Variants in FOXN3 observed in about 807,000 individuals in gnomAD.
The protein encoded by FOXN3 is forkhead box N3, also known as forkhead box protein N3.
FOXN3 carries 7 observed loss-of-function variants against 38.4 expected under a neutral mutation model. The ratio of observed to expected loss-of-function variants is 0.18; its 90% CI spans 0.10 to 0.34. The LOEUF is 0.34. FOXN3 is among the 10% of genes least tolerant of loss of function. The pLI, the probability that FOXN3 is intolerant of heterozygous loss-of-function variation, is 1.00. For missense variants in FOXN3, 456 were observed against 613.4 expected, an observed-to-expected ratio of 0.74 and a Z score of 2.71; for synonymous variants, 230 against 242.2, an observed-to-expected ratio of 0.95 and a Z score of 0.47.
intron 1 of FOXN3, among the ~76,000 whole-genome samples, chr14:89,555,273 G>C (rs545221992): frequency 9.2e-5 from 14 of 152,178 alleles, no homozygotes; most frequent in African/African-American, 3.1e-4. Flanking sequence ...GAACTGCTTG[G>C]CCAAAGATAT....
chr14:89,472,134 A>G (rs113138503), intron 1 of FOXN3, among the ~76,000 whole-genome samples: 4,545 of 152,216 alleles, frequency 0.03, 105 homozygotes, highest in Middle Eastern at 0.058. Context: ...GGGTGCCTGT[A>G]ATCCCAGCTA....
intron 2 of FOXN3, among the ~76,000 whole-genome samples, chr14:89,359,381 G>T (rs1207819818): frequency 1.3e-5 from 2 of 152,022 alleles, no homozygotes; most frequent in East Asian, 3.8e-4. Context: ...TTGACACTGA[G>T]CTCCAAACCA....
Position 89,164,819 on chromosome 14 carries a change from C to G in FOXN3, c.852-1850G>C, listed in dbSNP as rs1270803555. Reference sequence around the variant, plus strand: ...CTACCCTGGCTTTTCTCCTGTCACCCTCATGGGCCTTGAGGCTCAGGGAGA... The same window carrying G: ...CTACCCTGGCTTTTCTCCTGTCACCGTCATGGGCCTTGAGGCTCAGGGAGA... On this transcript the variant is annotated intron_variant, in intron 5 of 5. Coordinates refer to ENST00000557258, the MANE Select transcript of FOXN3 (RefSeq NM_005197.4). The surrounding 1 kb of genome is among the most constrained non-coding windows in gnomAD (Gnocchi z 4.3). Among the ~76,000 whole-genome samples the G allele has an allele frequency of 6.6e-6, 1 of 152,128 alleles. No individual in the cohort carries two copies. Among genetic ancestry groups the G allele is most frequent in the Non-Finnish European group, 1.5e-5 (1 of 68,028 alleles).
chr14:89,540,048 T>A (rs1206349141), intron 1 of FOXN3, among the ~76,000 whole-genome samples: 1 of 152,196 alleles, frequency 6.6e-6, no homozygotes, highest in Non-Finnish European at 1.5e-5. Context: ...GATATCACGA[T>A]GCAACAGAAC....
intron 1 of FOXN3, among the ~76,000 whole-genome samples, chr14:89,467,203 C>T (rs981477674): frequency 5.3e-5 from 8 of 152,250 alleles, no homozygotes; most frequent in African/African-American, 1.9e-4. Context: ...TGAGGGCTGG[C>T]CCGGCAGGAC....
At position 89,478,344 on chromosome 14, in the gene FOXN3, C is replaced by T. The variant is rs1330246738; in HGVS notation, c.-14-65854G>A. 3.9e-5 allele frequency among the ~76,000 whole-genome samples: 6 copies of T among 152,252 alleles called. No individual in the cohort carries two copies. In the East Asian group the frequency reaches 1.2e-3, roughly 29 times the overall value. Reference sequence around the variant, plus strand: ...TCTCTTTTCTTATAAATTACCCAGTCTCAGGTGTTTCTTTATAGCAGTGCA... The same window carrying T: ...TCTCTTTTCTTATAAATTACCCAGTTTCAGGTGTTTCTTTATAGCAGTGCA... On this transcript the variant is annotated intron_variant, in intron 1 of 6. Transcript: ENST00000345097.
chr14:89,467,419 C>A (rs547045777), intron 1 of FOXN3, among the ~76,000 whole-genome samples: 4 of 152,102 alleles, frequency 2.6e-5, no homozygotes, highest in Admixed American at 2.6e-4. Context: ...AGCTGTTTCA[C>A]TTTAAAATAC....
rs113658397 is a variant in FOXN3 at position 89,204,565 on chromosome 14, C to T, written c.746-23759G>A. Among the ~76,000 whole-genome samples, 347 of 152,038 alleles carry T rather than the reference C, an allele frequency of 2.3e-3. 1 individual carries two copies. Among genetic ancestry groups the T allele is most frequent in the African/African-American group, 8.0e-3 (332 of 41,330 alleles). On this transcript the variant is annotated intron_variant, in intron 4 of 5. Transcript: ENST00000557258. ...CTGAGATGTGTTGATTCAGAAATAA[C>T]CCTCACATATTATCAGTTGAAAAAT...
chr14:89,200,475 G>A (rs1231179554), intron 4 of FOXN3, among the ~76,000 whole-genome samples: 1 of 152,208 alleles, frequency 6.6e-6, no homozygotes, highest in African/African-American at 2.4e-5. Flanking sequence ...CTAAGGTGGT[G>A]TTAGGATGGC....
chr14:89,436,537 C>T (rs1461152706), intron 1 of FOXN3, among the ~76,000 whole-genome samples: 5 of 152,170 alleles, frequency 3.3e-5, no homozygotes, highest in Non-Finnish European at 5.9e-5. Context: ...GGGACTGACC[C>T]CATCGTCTGC....
intron 3 of FOXN3, among the ~76,000 whole-genome samples, chr14:89,298,001 CAAG>C (rs1887098641): frequency 6.6e-6 from 1 of 151,768 alleles, no homozygotes; most frequent in African/African-American, 2.4e-5. Flanking sequence ...AACAAAACAA[CAAG>C]AAGAAAAGAG....
intron 1 of FOXN3, among the ~76,000 whole-genome samples, chr14:89,498,177 C>G (rs992511167): frequency 2.0e-5 from 3 of 147,994 alleles, no homozygotes; most frequent in Non-Finnish European, 4.4e-5. Context: ...GTATATTCTC[C>G]TATTCTCTCT....
At chr14:89,239,346 T>A (rs2139864335) in intron 4 of FOXN3, among the ~76,000 whole-genome samples, 1 of 152,330 alleles carries the variant, frequency 6.6e-6, no homozygotes, top group South Asian at 2.1e-4. Context: ...GAGAGAAAGA[T>A]CTATTTTCTG....
At chr14:89,242,107 T>C (rs1885157274) in intron 4 of FOXN3, among the ~76,000 whole-genome samples, 1 of 152,168 alleles carries the variant, frequency 6.6e-6, no homozygotes, top group African/African-American at 2.4e-5. Flanking sequence ...TTGGCTTGAA[T>C]GCCACAAGGT....
chr14:89,328,092 C>G (rs1888128934), intron 3 of FOXN3, among the ~76,000 whole-genome samples: 1 of 152,222 alleles, frequency 6.6e-6, no homozygotes, highest in South Asian at 2.1e-4. Context: ...CAGCCAGGAT[C>G]GTTAAACTAC....
intron 1 of FOXN3, among the ~76,000 whole-genome samples, chr14:89,565,305 T>C (rs1782342075): frequency 6.6e-6 from 1 of 152,104 alleles, no homozygotes; most frequent in South Asian, 2.1e-4. Flanking sequence ...AACACCTTGA[T>C]TTTGACTTCT....
At chr14:89,236,759 T>G (rs1005819811) in intron 4 of FOXN3, among the ~76,000 whole-genome samples, 1 of 152,244 alleles carries the variant, frequency 6.6e-6, no homozygotes, top group Admixed American at 6.5e-5. Flanking sequence ...TGGGGACACT[T>G]AAAGCCTCTA....
Position 89,446,196 on chromosome 14 carries a change from CT to C in FOXN3, c.-14-33707del, listed in dbSNP as rs1555354304. 1.9e-4 allele frequency among the ~76,000 whole-genome samples: 5 copies of C among 26,164 alleles called. No individual in the cohort carries two copies. In the South Asian group the frequency reaches 4.6e-3, roughly 24 times the overall value. 17.2% of individuals were successfully genotyped at this position (26,164 alleles called of 152,430 possible). ...AAAAGTCTTTTTTTTTTTTTTTTTTCTTTTTTTTTTGAGACAGAGTCTCACT... is the reference window on the plus strand; with the variant it reads ...AAAAGTCTTTTTTTTTTTTTTTTTTCTTTTTTTTTGAGACAGAGTCTCACT... On this transcript the variant is annotated intron_variant, in intron 1 of 6. Coordinates refer to the FOXN3 transcript ENST00000345097.
intron 1 of FOXN3, among the ~76,000 whole-genome samples, chr14:89,561,019 T>C (rs767767852): frequency 2.0e-5 from 3 of 152,176 alleles, no homozygotes; most frequent in Non-Finnish European, 4.4e-5. Context: ...CGGTGAAGCC[T>C]CAGCTGAGAT....
Sources: allele counts gnomAD v4.1 joint callset (sites outside exome capture counted in the v4.1 genomes callset), GRCh38; gene constraint gnomAD v4.1.1; non-coding constraint Gnocchi (gnomAD v3.1); transcripts MANE v1.5; gene names NCBI Gene and HGNC (gene_info 2026-07-23, HGNC 2026-07-21).